GYS2: variants seen among roughly 807,000 people sequenced by gnomAD.
The protein encoded by GYS2 is glycogen synthase 2, also known as glycogen [starch] synthase, liver.
GYS2 carries 80 observed loss-of-function variants against 85.6 expected under a neutral mutation model. The observed-to-expected ratio is 0.93, with a 90% CI of 0.78 to 1.13. GYS2 has a LOEUF of 1.13. Among genes scored for constraint, GYS2 ranks in the 50% most tolerant of loss-of-function variants. The pLI, the probability that GYS2 is intolerant of heterozygous loss-of-function variation, is 0.00. For synonymous variants in GYS2, 328 were observed against 300.7 expected (o/e 1.09, Z -0.94); for missense variants, 881 against 854.9 (o/e 1.03, Z -0.38).
At chr12:21,587,302 T>C (rs940941758) in intron 1 of GYS2, among the ~76,000 whole-genome samples, 8 of 152,162 alleles carry the variant, frequency 5.3e-5, no homozygotes, top group African/African-American at 7.2e-5. Context: ...AACATACATA[T>C]GTAAGGAACC....
chr12:21,553,614 T>C (rs1424296943), intron 11 of GYS2, among the ~76,000 whole-genome samples: 2 of 152,188 alleles, frequency 1.3e-5, no homozygotes, highest in East Asian at 3.9e-4. Flanking sequence ...CCATATTCAA[T>C]TGCTCATAGA....
chr12:21,553,433 A>G (rs1364083387), intron 11 of GYS2, among the ~76,000 whole-genome samples: 2 of 152,242 alleles, frequency 1.3e-5, no homozygotes, highest in African/African-American at 4.8e-5. Context: ...TCTTAGCCCC[A>G]GGAATCTTGA....
chr12:21,563,045 C>G lies in GYS2; in HGVS notation c.942-7G>C. 2 of 1,601,120 alleles carry G rather than the reference C, an allele frequency of 1.2e-6. No individual in the cohort carries two copies. The highest frequency in any genetic ancestry group is 1.7e-6 in the Non-Finnish European group (2 of 1,169,612). On this transcript the variant is annotated splice_region_variant and splice_polypyrimidine_tract_variant and intron_variant, in intron 6 of 15. Coordinates refer to ENST00000261195, the MANE Select transcript of GYS2 (RefSeq NM_021957.4). ...AAGATCAAAGTCGAGATGACTAAAA[C>G]AAAACAAAACCAAACAGTTTCAAAT...
chr12:21,560,050 T>C (rs1257742359), intron 8 of GYS2, among the ~76,000 whole-genome samples: 1 of 152,162 alleles, frequency 6.6e-6, no homozygotes, highest in Non-Finnish European at 1.5e-5. Flanking sequence ...ATCTGAACTA[T>C]GAGTATACAG....
intron 1 of GYS2, among the ~76,000 whole-genome samples, chr12:21,599,942 C>T (rs561021985): frequency 5.3e-5 from 8 of 152,196 alleles, no homozygotes; most frequent in South Asian, 2.1e-4. Context: ...ATTTTCACAA[C>T]ATTATTACAG....
intron 3 of GYS2, among the ~76,000 whole-genome samples, chr12:21,574,904 GA>G (rs977815432): frequency 7.4e-5 from 11 of 147,904 alleles, no homozygotes; most frequent in South Asian, 4.3e-4. Context: ...CAATCATAAT[GA>G]AAAAAAAATG....
chr12:21,564,039 C>T (rs1944288320), intron 5 of GYS2, among the ~76,000 whole-genome samples: 1 of 152,146 alleles, frequency 6.6e-6, no homozygotes, highest in South Asian at 2.1e-4. Flanking sequence ...GGAAGACATT[C>T]TTGGTTTTCA....
chr12:21,601,967 G>A (rs1207413171), intron 1 of GYS2, among the ~76,000 whole-genome samples: 1 of 152,142 alleles, frequency 6.6e-6, no homozygotes, highest in Admixed American at 6.5e-5. Context: ...TCTCTCATCT[G>A]TTATGTTTTT....
chr12:21,537,362 C>T (rs1161867952), intron 15 of GYS2, 187 bp from the exon 16 acceptor site: 1 of 619,272 alleles, frequency 1.6e-6, no homozygotes, highest in East Asian at 2.8e-5. Flanking sequence ...CAATATATAG[C>T]TATTCTTTAT....
At chr12:21,548,615 T>C (rs562016659) in intron 11 of GYS2, among the ~76,000 whole-genome samples, 8 of 152,264 alleles carry the variant, frequency 5.3e-5, no homozygotes, top group Admixed American at 2.0e-4. Context: ...CTACTGGCTC[T>C]TGTGCACTTG....
At chr12:21,593,679 A>T (rs1341149984) in intron 1 of GYS2, among the ~76,000 whole-genome samples, 1 of 152,102 alleles carries the variant, frequency 6.6e-6, no homozygotes, top group East Asian at 1.9e-4. Context: ...GTCAAATTTT[A>T]CCAAACTTTC....
At chr12:21,561,983 TCTC>T (rs577398485) in intron 7 of GYS2, among the ~76,000 whole-genome samples, 132 of 152,332 alleles carry the variant, frequency 8.7e-4, no homozygotes, top group African/African-American at 3.1e-3. Context: ...TCTACACTCT[TCTC>T]CTGTGAATAT....
chr12:21,589,462 TACTG>T (rs1944610356), intron 1 of GYS2, among the ~76,000 whole-genome samples: 2 of 152,290 alleles, frequency 1.3e-5, no homozygotes, highest in South Asian at 2.1e-4. Flanking sequence ...GCTTGAAGAT[TACTG>T]ACTAAGGGCA....
At chr12:21,591,955 A>G (rs1234732701) in intron 1 of GYS2, among the ~76,000 whole-genome samples, 1 of 152,164 alleles carries the variant, frequency 6.6e-6, no homozygotes, top group Non-Finnish European at 1.5e-5. Flanking sequence ...GAAGGAATTC[A>G]CTATCACTAG....
intron 7 of GYS2, among the ~76,000 whole-genome samples, chr12:21,561,840 T>C (rs73085377): frequency 0.014 from 2,152 of 152,254 alleles, 19 homozygotes; most frequent in Non-Finnish European, 0.019. Context: ...CTTTAGTAAA[T>C]TTTTTTAGCA....
chr12:21,563,183 C>T (rs375822961), intron 6 of GYS2, 45 bp downstream of exon 6: 139 of 1,254,732 alleles, frequency 1.1e-4, no homozygotes, highest in Non-Finnish European at 1.4e-4. Context: ...CCAAAGATCA[C>T]TCATATCTGA....
chr12:21,559,666 T>C lies in GYS2; in HGVS notation c.1214A>G (p.Tyr405Cys), dbSNP rs778574082. Residue 405 changes from tyrosine to cysteine, a missense_variant, in exon 9 of 16, where the codon TAT (tyrosine) becomes TGT (cysteine). Tyr to Cys is a radical substitution (Grantham distance 194). Transcript: ENST00000261195. The part of the protein sequence containing the change: ...SVKEKFGKKL[Y>C]DALLRGEIPD... ...AAGCACCTACCTTAATAATGCATCA[T>C]AGAGTTTTTTTCCAAACTTTTCCTT... The C allele has an allele frequency of 6.4e-6, 10 of 1,574,228 alleles. No individual in the cohort carries two copies. In the Admixed American group the frequency reaches 6.7e-5, roughly 11 times the overall value.
chr12:21,595,556 C>T (rs950672127), intron 1 of GYS2, among the ~76,000 whole-genome samples: 1 of 152,140 alleles, frequency 6.6e-6, no homozygotes, highest in African/African-American at 2.4e-5. Context: ...CTGGCATAGC[C>T]AGGCATTTAC....
In GYS2 at chr12:21,537,071, A is replaced by G; in HGVS notation, c.1995T>C (p.Asp665=). The change falls in exon 16 of 16, where the codon GAT becomes GAC. Residue 665 remains aspartate, a synonymous_variant. Coordinates refer to ENST00000261195, the MANE Select transcript of GYS2 (RefSeq NM_021957.4). The part of the protein sequence containing the change: ...QSSDVEDEVE[D]ERYDEEEEAE... ...CCTCCTCTTCCTCATCGTATCTCTC[A>G]TCCTCCACTTCATCTTCCACATCAC... 1 of 1,613,688 alleles carries G rather than the reference A, an allele frequency of 6.2e-7. No individual in the cohort carries two copies. Among genetic ancestry groups the G allele is most frequent in the Non-Finnish European group, 8.5e-7 (1 of 1,179,760 alleles).
Sources: allele counts gnomAD v4.1 joint callset (sites outside exome capture counted in the v4.1 genomes callset), GRCh38; gene constraint gnomAD v4.1.1; transcripts MANE v1.5; gene names NCBI Gene and HGNC (gene_info 2026-07-23, HGNC 2026-07-21).